Variants in PLA2G4F observed in about 807,000 individuals in gnomAD.
The protein encoded by PLA2G4F is phospholipase A2 group IVF, also known as cytosolic phospholipase A2 zeta.
A neutral mutation model predicts 103.1 loss-of-function variants in PLA2G4F; 105 were observed. The observed-to-expected ratio is 1.02, with a 90% CI of 0.87 to 1.20. The LOEUF is 1.20. Ranked by LOEUF, PLA2G4F falls within the 50% of genes most tolerant of loss-of-function variation. The pLI, the probability that PLA2G4F is intolerant of heterozygous loss-of-function variation, is 0.00. For missense variants in PLA2G4F, 1,155 were observed against 1,075.9 expected, an observed-to-expected ratio of 1.07 and a Z score of -1.03; for synonymous variants, 468 against 441.1, an observed-to-expected ratio of 1.06 and a Z score of -0.76.
At chr15:42,145,449 C>T in intron 16 of PLA2G4F, 126 bp downstream of exon 16, 1 of 962,254 alleles carries the variant, frequency 1.0e-6, no homozygotes, top group East Asian at 2.4e-5. Context: ...GTCATTTCCT[C>T]AGGACTTCCC....
intron 18 of PLA2G4F, among the ~76,000 whole-genome samples, 151 bp downstream of exon 18, chr15:42,143,823 TCACA>T (rs1287182982): frequency 1.3e-5 from 2 of 152,130 alleles, no homozygotes; most frequent in African/African-American, 2.4e-5. Flanking sequence ...GGCAGCTCCC[TCACA>T]CACAGAGTGG....
intron 1 of PLA2G4F, 103 bp from the exon 2 acceptor site, chr15:42,155,692 T>A: frequency 8.8e-7 from 1 of 1,140,356 alleles, no homozygotes; most frequent in Non-Finnish European, 1.3e-6. Flanking sequence ...TGGCATAGGG[T>A]CACTGACGTC....
chr15:42,149,042 C>CCTCT (rs2048924708), intron 11 of PLA2G4F: 4 of 985,358 alleles, frequency 4.1e-6, no homozygotes, highest in Non-Finnish European at 3.6e-6. Flanking sequence ...CCTGTAAGTC[C>CCTCT]CTCTCTCAGC....
chr15:42,152,814 G>C (rs968572273), intron 6 of PLA2G4F, 60 bp from the exon 7 acceptor site: 4 of 1,494,914 alleles, frequency 2.7e-6, no homozygotes, highest in Non-Finnish European at 3.6e-6. Context: ...AGGATGGAGA[G>C]AGGGAGGAGT....
At chr15:42,149,432 C>T in intron 11 of PLA2G4F, 1 of 934,650 alleles carries the variant, frequency 1.1e-6, no homozygotes. Flanking sequence ...ACACCTTCAT[C>T]TCGGACTTCC....
chr15:42,142,460 C>T, intron 19 of PLA2G4F, 68 bp downstream of exon 19: 2 of 1,507,474 alleles, frequency 1.3e-6, no homozygotes, highest in Non-Finnish European at 1.8e-6. Flanking sequence ...GGAACCCACC[C>T]TCAGAACAGC....
chr15:42,142,192 T>G lies in PLA2G4F; in HGVS notation c.2342A>C (p.Gln781Pro), dbSNP rs770333185. The G allele has an allele frequency of 6.2e-7, 1 of 1,612,310 alleles. No homozygotes were observed. Among genetic ancestry groups the G allele is most frequent in the South Asian group, 1.1e-5 (1 of 90,720 alleles). ...RTHLAPGVER[Q>P]TAEEKAFGDF... The stretch of plus-strand genomic sequence containing the variant: ...CCCAAAGGCCTTCTCCTCAGCTGTT[T>G]GTCGCTCCACACCTGTGGGTGGGGG... Residue 781 changes from glutamine (Q) to proline (P), a missense_variant, in exon 20 of 20, where the codon CAA (glutamine) becomes CCA (proline). Gln to Pro is a moderately conservative substitution (Grantham distance 76). Coordinates refer to ENST00000397272, the MANE Select transcript of PLA2G4F (RefSeq NM_213600.4).
rs555797489 is a variant in PLA2G4F, at chr15:42,139,715, G to A, written c.*2269C>T. On this transcript the variant is annotated 3_prime_UTR_variant, in exon 20 of 20. Coordinates refer to ENST00000397272, the MANE Select transcript of PLA2G4F (RefSeq NM_213600.4). ...TTGCTCTGCGTGGCTCCCAGATTCA[G>A]TCTTGTTGGAGCCTCCCCATCCCTG... The A allele has an allele frequency of 2.6e-5, 4 of 152,436 alleles. No individual in the cohort carries two copies. The East Asian group carries it at 7.8e-4, about 30-fold the overall frequency. 9.4% of individuals were successfully genotyped at this position (152,436 alleles called of 1,614,324 possible). A position where few individuals can be genotyped will look rare whatever the true frequency, so the allele number is the denominator to read the frequency against.
chr15:42,156,225 A>G (rs938693988), intron 1 of PLA2G4F, among the ~76,000 whole-genome samples: 5 of 152,158 alleles, frequency 3.3e-5, no homozygotes, highest in African/African-American at 1.2e-4. Flanking sequence ...CCCACCCCAG[A>G]CAAGTGTCAA....
At chr15:42,154,544 G>A (rs757749755) in intron 2 of PLA2G4F, 86 bp from the exon 3 acceptor site, 1 of 1,422,406 alleles carries the variant, frequency 7.0e-7, no homozygotes, top group Admixed American at 2.8e-5. Context: ...GAAGGGGAAG[G>A]AGCAGAGTGG....
In PLA2G4F at chr15:42,147,364, G is replaced by C. The variant is rs1275099553; in HGVS notation, c.1197-18C>G. The C allele has an allele frequency of 2.5e-6, 4 of 1,597,154 alleles. No homozygotes were observed. Among genetic ancestry groups the C allele is most frequent in the Non-Finnish European group, 3.4e-6 (4 of 1,175,602 alleles). On this transcript the variant is annotated intron_variant, in intron 12 of 19. Coordinates refer to ENST00000397272, the MANE Select transcript of PLA2G4F (RefSeq NM_213600.4). ...AGATGCACCTGGGGATTGGAGGTGT[G>C]CCTGAGTCAGGGGCAGGAGAGCACA...
Position 42,150,409 on chromosome 15 carries a change from T to A in PLA2G4F, c.849A>T (p.Leu283=), listed in dbSNP as rs1402323464. Reference sequence around the variant, plus strand: ...CCACAGAACACTGTTCCTCCTGGCCTAGGGGCAGAGAGGAGAGCAGGATGC... The same window carrying A: ...CCACAGAACACTGTTCCTCCTGGCCAAGGGGCAGAGAGGAGAGCAGGATGC... ...EGGILLSSLP[L]GQEEQCSVAL... is the part of the protein sequence containing the mutation. The change falls in exon 9 of 20, where the codon CTA becomes CTT. Residue 283 remains leucine (L), a synonymous_variant. Transcript: ENST00000397272. 1.2e-6 allele frequency: 2 copies of A among 1,612,782 alleles called. No individual in the cohort carries two copies. Among genetic ancestry groups the A allele is most frequent in the Non-Finnish European group, 1.7e-6 (2 of 1,179,822 alleles).
intron 10 of PLA2G4F, 25 bp from the exon 11 acceptor site, chr15:42,149,873 G>A (rs1316619555): frequency 1.4e-5 from 22 of 1,611,488 alleles, no homozygotes; most frequent in South Asian, 2.2e-5. Flanking sequence ...GTGGGGTGGC[G>A]GTGGGGGGTT....
intron 11 of PLA2G4F, 49 bp from the exon 12 acceptor site, chr15:42,147,811 G>T (rs2048910554): frequency 1.2e-6 from 2 of 1,606,978 alleles, no homozygotes; most frequent in African/African-American, 2.7e-5. Flanking sequence ...CACCGTCATT[G>T]ACGTATTACT....
intron 1 of PLA2G4F, 55 bp downstream of exon 1, chr15:42,156,384 G>A: frequency 6.9e-7 from 1 of 1,445,198 alleles, no homozygotes; most frequent in Non-Finnish European, 9.5e-7. Flanking sequence ...ACAGGGCACT[G>A]CAGCTCCCAG....
At chr15:42,152,807 A>T (rs2048974096) in intron 6 of PLA2G4F, 53 bp from the exon 7 acceptor site, 1 of 1,517,746 alleles carries the variant, frequency 6.6e-7, no homozygotes, top group East Asian at 2.5e-5. Flanking sequence ...CCCAGCCAGG[A>T]TGGAGAGAGG....
chr15:42,150,712 G>A lies in PLA2G4F; in HGVS notation c.667C>T (p.Pro223Ser), dbSNP rs115273529. ...YEKPQLLPLQ[P>S]PTEPGLPPTF... ...GGTGGGAGGCCTGGCTCTGTGGGAGGCTGCAGGGGCAAGAGCTGTGGCTTC... is the reference window on the plus strand; with the variant it reads ...GGTGGGAGGCCTGGCTCTGTGGGAGACTGCAGGGGCAAGAGCTGTGGCTTC... The change falls in exon 8 of 20, where the codon CCT (proline) becomes TCT (serine). Residue 223 changes from proline to serine, a missense_variant. By Grantham distance (74) the Pro-to-Ser change is moderately conservative. Around this residue, in one of 3 missense-constraint regions of PLA2G4F, gnomAD observed 370 missense variants for 364.9 expected, o/e 1.01. Coordinates refer to ENST00000397272, the MANE Select transcript of PLA2G4F (RefSeq NM_213600.4). 131 of 1,613,270 alleles carry A rather than the reference G, an allele frequency of 8.1e-5. 1 individual carries two copies. The African/African-American group carries it at 1.7e-3, about 20-fold the overall frequency.
rs890117167 is a variant in PLA2G4F at position 42,148,872 on chromosome 15, C to T, written c.1059+841G>A. ...GGCCACTGCTCACAGAAGGCGCTGT[C>T]GCTTCAGAGTGCTGGATGAGACAGA... On this transcript the variant is annotated intron_variant, in intron 11 of 19. Coordinates refer to ENST00000397272, the MANE Select transcript of PLA2G4F (RefSeq NM_213600.4). 5 of 985,284 alleles carry T rather than the reference C, an allele frequency of 5.1e-6. No homozygotes were observed. In the African/African-American group the frequency reaches 7.0e-5, roughly 14 times the overall value. 61.0% of individuals were successfully genotyped at this position (985,284 alleles called of 1,614,324 possible). A position where few individuals can be genotyped will look rare whatever the true frequency, so the allele number is the denominator to read the frequency against.
chr15:42,144,095 G>C lies in PLA2G4F; in HGVS notation c.2025C>G (p.Cys675Trp). Reference sequence around the variant, plus strand: ...CAAAGCCTCCGTCCACCAGGTACAGGCAGTCCCGCATGGGGGTGAGCTGGT... The same window carrying C: ...CAAAGCCTCCGTCCACCAGGTACAGCCAGTCCCGCATGGGGGTGAGCTGGT... The part of the protein sequence containing the change: ...FPNQLTPMRD[C>W]LYLVDGGFAI... Residue 675 changes from cysteine (C) to tryptophan (W), a missense_variant, in exon 18 of 20, where the codon TGC (cysteine) becomes TGG (tryptophan). Around this residue, in one of 3 missense-constraint regions of PLA2G4F, gnomAD observed 782 missense variants for 692.9 expected, o/e 1.13. Coordinates refer to ENST00000397272, the MANE Select transcript of PLA2G4F (RefSeq NM_213600.4). The C allele has an allele frequency of 6.2e-7, 1 of 1,614,006 alleles. No individual in the cohort carries two copies. The highest frequency in any genetic ancestry group is 8.5e-7 in the Non-Finnish European group (1 of 1,179,976).
Sources: allele counts gnomAD v4.1 joint callset (sites outside exome capture counted in the v4.1 genomes callset), GRCh38; gene constraint gnomAD v4.1.1; regional missense constraint gnomAD v4.1.1; transcripts MANE v1.5; gene names NCBI Gene and HGNC (gene_info 2026-07-23, HGNC 2026-07-21).